Variants in TSHZ1 observed in about 807,000 individuals in gnomAD.
TSHZ1 encodes the protein teashirt zinc finger homeobox 1.
In TSHZ1, 12 loss-of-function variants were observed where a neutral mutation model predicts 67.1. The observed-to-expected ratio is 0.18, with a 90% CI of 0.11 to 0.29. The LOEUF (loss-of-function observed/expected upper bound fraction) is 0.29. Among genes scored for constraint, TSHZ1 ranks in the 10% least tolerant of loss-of-function variants. TSHZ1 has a pLI of 1.00. For missense variants in TSHZ1, 1,305 were observed against 1,413.9 expected (o/e 0.92, Z 1.23); for synonymous variants, 632 against 622.4 (o/e 1.02, Z -0.23).
At chr18:75,270,068 G>A (rs1379998327) in intron 1 of TSHZ1, among the ~76,000 whole-genome samples, 1 of 152,208 alleles carries the variant, frequency 6.6e-6, no homozygotes, top group Non-Finnish European at 1.5e-5. Context: ...TTCCGAAATT[G>A]GAATCAGTTT....
intron 1 of TSHZ1, among the ~76,000 whole-genome samples, chr18:75,244,284 A>G (rs2023195331): frequency 6.6e-6 from 1 of 151,992 alleles, no homozygotes; most frequent in African/African-American, 2.4e-5. Flanking sequence ...TTATATCACA[A>G]CCGGGTAAGG....
intron 1 of TSHZ1, among the ~76,000 whole-genome samples, chr18:75,218,987 T>C (rs568167227): frequency 1.2e-4 from 18 of 152,336 alleles, no homozygotes; most frequent in African/African-American, 4.1e-4. Flanking sequence ...TAAAAATAGA[T>C]AATGGCACAG....
chr18:75,274,347 G>A (rs1458072108), intron 1 of TSHZ1, among the ~76,000 whole-genome samples: 1 of 152,064 alleles, frequency 6.6e-6, no homozygotes, highest in African/African-American at 2.4e-5. Context: ...GGTGGAGGTG[G>A]GGTGATGGTG....
chr18:75,277,224 A>G (rs1374326643), intron 1 of TSHZ1, among the ~76,000 whole-genome samples: 2 of 152,230 alleles, frequency 1.3e-5, no homozygotes, highest in Non-Finnish European at 2.9e-5. Context: ...CTTCAGTCTT[A>G]ACTGAAGGGA....
At chr18:75,235,402 G>T (rs1027295663) in intron 1 of TSHZ1, among the ~76,000 whole-genome samples, 4 of 152,146 alleles carry the variant, frequency 2.6e-5, no homozygotes, top group African/African-American at 9.7e-5. Flanking sequence ...TGCAGAGAGG[G>T]TGTGTCTTTT....
chr18:75,289,471 T>C lies in TSHZ1; in HGVS notation c.*830T>C, dbSNP rs2023832823. The C allele has an allele frequency of 6.0e-6, 1 of 167,108 alleles. No individual in the cohort carries two copies. The highest frequency in any genetic ancestry group is 2.1e-4 in the South Asian group (1 of 4,826). 10.4% of individuals were successfully genotyped at this position (167,108 alleles called of 1,614,324 possible). A position where few individuals can be genotyped will look rare whatever the true frequency, so the allele number is the denominator to read the frequency against. ...GTAAGCTTTGGTACAAGCTGACCTTTCTATAGCGTGCTGCATTGGTAAATG... is the reference window on the plus strand; with the variant it reads ...GTAAGCTTTGGTACAAGCTGACCTTCCTATAGCGTGCTGCATTGGTAAATG... On this transcript the variant is annotated 3_prime_UTR_variant, in exon 2 of 2. Coordinates refer to ENST00000580243, the MANE Select transcript of TSHZ1 (RefSeq NM_001308210.2).
At chr18:75,261,028 C>T (rs945780199) in intron 1 of TSHZ1, among the ~76,000 whole-genome samples, 3 of 151,928 alleles carry the variant, frequency 2.0e-5, no homozygotes. Context: ...ATGGGCTTCC[C>T]CCGGGAGTGA....
chr18:75,285,870 G>GGGCCCCC lies in TSHZ1; in HGVS notation c.463_464insGGCCCCC (p.Ala155GlyfsTer67). ...CGATGCCAGCCAGAAGGAGAGCTCC[G>GGGCCCCC]CCCCCACCCCCACACCCCCCACCTG... On this transcript the variant is annotated frameshift_variant, in exon 2 of 2. Transcript: ENST00000580243. LOFTEE classifies it high-confidence loss of function. 1 of 1,581,532 alleles carries GGGCCCCC rather than the reference G, an allele frequency of 6.3e-7. No individual in the cohort carries two copies. Among genetic ancestry groups the GGGCCCCC allele is most frequent in the Non-Finnish European group, 8.6e-7 (1 of 1,163,024 alleles).
Position 75,288,744 on chromosome 18 carries a change from C to A in TSHZ1, c.*103C>A. The A allele has an allele frequency of 1.3e-6, 2 of 1,494,264 alleles. No homozygotes were observed. The highest frequency in any genetic ancestry group is 1.8e-6 in the Non-Finnish European group (2 of 1,124,418). 92.6% of individuals were successfully genotyped at this position (1,494,264 alleles called of 1,614,324 possible). ...AATCAGTCTTTCCTTTGTTGCTGGC[C>A]CGCCTCTCTGGACCTTGGTTTTCTT... On this transcript the variant is annotated 3_prime_UTR_variant, in exon 2 of 2. Coordinates refer to ENST00000580243, the MANE Select transcript of TSHZ1 (RefSeq NM_001308210.2). This position sits in a 1 kb window ranked among gnomAD's most constrained non-coding sequence, Gnocchi z 4.9.
chr18:75,221,967 G>T, intron 1 of TSHZ1, among the ~76,000 whole-genome samples: 1 of 152,154 alleles, frequency 6.6e-6, no homozygotes, highest in South Asian at 2.1e-4. Context: ...TTAAATTGAG[G>T]GAAGCTGCTA....
At chr18:75,250,663 G>C (rs1004442187) in intron 1 of TSHZ1, among the ~76,000 whole-genome samples, 1 of 152,260 alleles carries the variant, frequency 6.6e-6, no homozygotes, top group African/African-American at 2.4e-5. Flanking sequence ...GGGAAAGCAG[G>C]GCTGAGTGCA....
chr18:75,285,999 G>A lies in TSHZ1; in HGVS notation c.592G>A (p.Asp198Asn), dbSNP rs770397134. 22 of 1,606,490 alleles carry A rather than the reference G, an allele frequency of 1.4e-5. No individual in the cohort carries two copies. The East Asian group carries it at 1.6e-4, about 11-fold the overall frequency. ...CAGTACCAGCAGCAGCTCCGGGTAC[G>A]ACTGGCACCAGGCTGCACTGGCCAA... ...TTSTSSSSGY[D>N]WHQAALAKTL... Residue 198 changes from aspartate to asparagine, a missense_variant, in exon 2 of 2, where the codon GAC becomes AAC. This residue lies in a region of TSHZ1 where 358 missense variants were observed against 375.6 expected (regional missense o/e 0.95). Coordinates refer to ENST00000580243, the MANE Select transcript of TSHZ1 (RefSeq NM_001308210.2).
At chr18:75,247,795 G>A (rs2023242677) in intron 1 of TSHZ1, among the ~76,000 whole-genome samples, 1 of 151,172 alleles carries the variant, frequency 6.6e-6, no homozygotes, top group Non-Finnish European at 1.5e-5. Context: ...TTTGAAGTGT[G>A]AAAAATATCA....
chr18:75,240,247 A>G (rs767662447), intron 1 of TSHZ1, among the ~76,000 whole-genome samples: 1 of 152,128 alleles, frequency 6.6e-6, no homozygotes, highest in Non-Finnish European at 1.5e-5. Context: ...TCTCTTACAC[A>G]TGGTTTTAGG....
chr18:75,288,921 C>A lies in TSHZ1; in HGVS notation c.*280C>A. ...AATAGTGGGGCACACTACTCAGAGA[C>A]ATTATTTAGCAGTAAAGAAAGACAC... On this transcript the variant is annotated 3_prime_UTR_variant, in exon 2 of 2. Transcript: ENST00000580243. This position sits in a 1 kb window ranked among gnomAD's most constrained non-coding sequence, Gnocchi z 4.9. 3.3e-6 allele frequency: 1 copy of A among 302,732 alleles called. No homozygotes were observed. The highest frequency in any genetic ancestry group is 6.3e-6 in the Non-Finnish European group (1 of 158,166). 18.8% of individuals were successfully genotyped at this position (302,732 alleles called of 1,614,324 possible).
chr18:75,289,895 TCCA>T lies in TSHZ1; in HGVS notation c.*1256_*1258del, dbSNP rs1443476435. 1.2e-5 allele frequency: 2 copies of T among 167,112 alleles called. No homozygotes were observed. Among genetic ancestry groups the T allele is most frequent in the African/African-American group, 4.8e-5 (2 of 41,468 alleles). 10.4% of individuals were successfully genotyped at this position (167,112 alleles called of 1,614,324 possible). On this transcript the variant is annotated 3_prime_UTR_variant, in exon 2 of 2. Transcript: ENST00000580243. ...GTACATTTTGGTTCACACAATTAAATCCACTGTTTTCTCAGATGTAAAATAAAC... is the reference window on the plus strand; with the variant it reads ...GTACATTTTGGTTCACACAATTAAATCTGTTTTCTCAGATGTAAAATAAAC...
chr18:75,267,051 T>C (rs907703431), intron 1 of TSHZ1, among the ~76,000 whole-genome samples: 2 of 152,252 alleles, frequency 1.3e-5, no homozygotes, highest in African/African-American at 2.4e-5. Context: ...ATTTCTGTTA[T>C]AGACTTAGTA....
chr18:75,212,713 C>G (rs2022715265), intron 1 of TSHZ1, among the ~76,000 whole-genome samples: 1 of 152,226 alleles, frequency 6.6e-6, no homozygotes, highest in Non-Finnish European at 1.5e-5. Flanking sequence ...CTCTCGCTCC[C>G]CCTTTTGCTG....
In TSHZ1 at chr18:75,288,325, A is replaced by G. The variant is rs369406968; in HGVS notation, c.2918A>G (p.Asn973Ser). 11 of 1,614,084 alleles carry G rather than the reference A, an allele frequency of 6.8e-6. No homozygotes were observed. In the African/African-American group the frequency reaches 8.0e-5, roughly 12 times the overall value. The change falls in exon 2 of 2, where the codon AAC becomes AGC. Residue 973 changes from asparagine to serine, a missense_variant. Physicochemically the swap from Asn to Ser is conservative, Grantham distance 46. Around this residue, in one of 3 missense-constraint regions of TSHZ1, gnomAD observed 909 missense variants for 961.8 expected, o/e 0.95. Coordinates refer to ENST00000580243, the MANE Select transcript of TSHZ1 (RefSeq NM_001308210.2). This position sits in a 1 kb window ranked among gnomAD's most constrained non-coding sequence, Gnocchi z 4.9. ...LDTGHPVFFC[N>S]DCASQFRTAS... The stretch of plus-strand genomic sequence containing the variant: ...ACAGGGCATCCTGTTTTCTTTTGCA[A>G]CGATTGTGCCTCTCAGTTCAGAACT...
Sources: allele counts gnomAD v4.1 joint callset (sites outside exome capture counted in the v4.1 genomes callset), GRCh38; gene constraint gnomAD v4.1.1; regional missense constraint gnomAD v4.1.1; non-coding constraint Gnocchi (gnomAD v3.1); transcripts MANE v1.5; gene names NCBI Gene and HGNC (gene_info 2026-07-23, HGNC 2026-07-21).